Variants in PRKCB observed in about 807,000 individuals in gnomAD.
The protein encoded by PRKCB is protein kinase C beta type.
A neutral mutation model predicts 81.5 loss-of-function variants in PRKCB; 13 were observed. That is an observed-to-expected ratio of 0.16 (90% CI 0.10 to 0.25). The LOEUF (loss-of-function observed/expected upper bound fraction) is 0.25. PRKCB is among the 10% of genes least tolerant of loss of function. The probability of loss-of-function intolerance (pLI) is 1.00; values close to 1 mark genes in which losing one functional copy is unlikely to be tolerated. For synonymous variants in PRKCB, 335 were observed against 321.4 expected (o/e 1.04, Z -0.45); for missense variants, 509 against 875.7 (o/e 0.58, Z 5.29).
At position 24,218,857 on chromosome 16, in the gene PRKCB, G is replaced by T. The variant is rs1178154823; in HGVS notation, c.*4041G>T. 1.0e-6 allele frequency: 1 copy of T among 985,450 alleles called. No homozygotes were observed. 61.0% of individuals were successfully genotyped at this position (985,450 alleles called of 1,614,324 possible). ...TGTCTTGTAATAAAACAGCCATGGG[G>T]TTGTCCCTCCAGTCCGAGAGACTGT... On this transcript the variant is annotated 3_prime_UTR_variant, in exon 17 of 17. Transcript: ENST00000643927.
intron 15 of PRKCB, among the ~76,000 whole-genome samples, chr16:24,186,153 G>A (rs1458572737): frequency 1.3e-5 from 2 of 152,148 alleles, no homozygotes; most frequent in African/African-American, 4.8e-5. Flanking sequence ...GGGCACCTGT[G>A]AAGAAAGCAG....
At chr16:23,975,543 A>C (rs746979398) in intron 2 of PRKCB, among the ~76,000 whole-genome samples, 1 of 152,190 alleles carries the variant, frequency 6.6e-6, no homozygotes, top group Non-Finnish European at 1.5e-5. Flanking sequence ...GTCAAACCTC[A>C]TAGTTCCTGG....
intron 2 of PRKCB, among the ~76,000 whole-genome samples, chr16:23,870,819 A>G (rs918575848): frequency 5.3e-5 from 8 of 152,134 alleles, no homozygotes; most frequent in Non-Finnish European, 8.8e-5. Flanking sequence ...ACTGCACTCT[A>G]GTCTACAGAT....
chr16:24,014,275 G>A (rs545675194), intron 3 of PRKCB, among the ~76,000 whole-genome samples: 1 of 152,306 alleles, frequency 6.6e-6, no homozygotes, highest in Admixed American at 6.5e-5. Flanking sequence ...GGGGGAGAGG[G>A]GTGGGGAGGG....
intron 15 of PRKCB, among the ~76,000 whole-genome samples, chr16:24,190,745 T>C (rs111523199): frequency 0.016 from 2,408 of 152,164 alleles, 30 homozygotes; most frequent in Non-Finnish European, 0.025. Context: ...TCTCAATCTC[T>C]TGACCTTGTG....
chr16:24,210,394 G>A lies in PRKCB; in HGVS notation c.1864-4264G>A, dbSNP rs76188530. On this transcript the variant is annotated intron_variant, in intron 16 of 16. Coordinates refer to ENST00000643927, the MANE Select transcript of PRKCB (RefSeq NM_002738.7). ...CTCTGCCTAGCATGCCTTTCCTCCC[G>A]ACATCCAAAGGGCACCCTCTCTCAC... 8.3e-3 allele frequency among the ~76,000 whole-genome samples: 1,268 copies of A among 151,932 alleles called. 23 individuals are homozygous for A. The highest frequency in any genetic ancestry group is 0.029 in the African/African-American group (1,203 of 41,416).
intron 10 of PRKCB, among the ~76,000 whole-genome samples, chr16:24,171,582 T>C (rs1967442145): frequency 1.3e-5 from 2 of 152,154 alleles, no homozygotes; most frequent in Non-Finnish European, 2.9e-5. Context: ...GGCTGGCTAC[T>C]ACAGCTATCT....
chr16:24,006,952 G>A (rs1965131737), intron 3 of PRKCB, among the ~76,000 whole-genome samples: 1 of 152,212 alleles, frequency 6.6e-6, no homozygotes, highest in African/African-American at 2.4e-5. Flanking sequence ...GGCTTCACCT[G>A]AAGAGATAGA....
chr16:23,975,769 C>A (rs1190831883), intron 2 of PRKCB, among the ~76,000 whole-genome samples: 3 of 152,178 alleles, frequency 2.0e-5, no homozygotes, highest in Non-Finnish European at 4.4e-5. Context: ...CTTATAGGAA[C>A]GTACGAAGCA....
At chr16:24,206,075 C>A (rs1207406295) in intron 16 of PRKCB, among the ~76,000 whole-genome samples, 2 of 152,082 alleles carry the variant, frequency 1.3e-5, no homozygotes, top group African/African-American at 4.8e-5. Flanking sequence ...ACAAAAGACC[C>A]CTCTCCTACT....
chr16:23,992,247 G>A (rs1354614124), intron 3 of PRKCB, among the ~76,000 whole-genome samples: 17 of 152,192 alleles, frequency 1.1e-4, no homozygotes. Flanking sequence ...AGCCAGAAGG[G>A]ACTAGGACAG....
chr16:24,109,628 C>T (rs1966644621), intron 7 of PRKCB, among the ~76,000 whole-genome samples: 2 of 129,100 alleles, frequency 1.5e-5, no homozygotes, highest in Non-Finnish European at 3.1e-5. Context: ...CCAGACTGGG[C>T]AGCCAGGCAG....
intron 9 of PRKCB, among the ~76,000 whole-genome samples, chr16:24,143,601 C>T (rs1966939783): frequency 6.6e-6 from 1 of 152,054 alleles, no homozygotes; most frequent in Non-Finnish European, 1.5e-5. Flanking sequence ...CCCTGGAGGC[C>T]TACAGTATAT....
chr16:24,157,908 C>T (rs760985770), intron 10 of PRKCB, among the ~76,000 whole-genome samples: 4 of 151,850 alleles, frequency 2.6e-5, no homozygotes, highest in East Asian at 1.9e-4. Flanking sequence ...TATAAATTAC[C>T]GAGTCTCAGG....
Position 24,216,030 on chromosome 16 carries a change from A to C in PRKCB, c.*1214A>C. The C allele has an allele frequency of 3.0e-6, 3 of 985,236 alleles. No homozygotes were observed. Among genetic ancestry groups the C allele is most frequent in the Non-Finnish European group, 3.6e-6 (3 of 829,840 alleles). 61.0% of individuals were successfully genotyped at this position (985,236 alleles called of 1,614,324 possible). On this transcript the variant is annotated 3_prime_UTR_variant, in exon 17 of 17. Coordinates refer to ENST00000643927, the MANE Select transcript of PRKCB (RefSeq NM_002738.7). Reference sequence around the variant, plus strand: ...AAGAAGAAGAAATACTATTTCAAGGAAAACTGCTCTTTTTGAGAAACGTGG... The same window carrying C: ...AAGAAGAAGAAATACTATTTCAAGGCAAACTGCTCTTTTTGAGAAACGTGG...
intron 2 of PRKCB, among the ~76,000 whole-genome samples, chr16:23,987,136 A>C (rs1405782908): frequency 1.3e-5 from 2 of 152,150 alleles, no homozygotes; most frequent in East Asian, 3.8e-4. Flanking sequence ...CCACATGTTA[A>C]ATTTAGTTGA....
chr16:24,151,997 C>T lies in PRKCB; in HGVS notation c.1066-2687C>T, dbSNP rs1012743230. The T allele has an allele frequency of 2.3e-5, 10 of 427,072 alleles. 1 individual carries two copies. Among genetic ancestry groups the T allele is most frequent in the Non-Finnish European group, 3.8e-5 (8 of 210,862 alleles). The allele number at this position is 427,072 out of a possible 1,614,324, so 26.5% of individuals were successfully genotyped here. A position where few individuals can be genotyped will look rare whatever the true frequency, so the allele number is the denominator to read the frequency against. ...TCTGCACTGAAGGTGTCTAGGGCCC[C>T]TCCTTCTCTCGTTTTGGTTGGGGGA... On this transcript the variant is annotated intron_variant, in intron 9 of 16. Coordinates refer to ENST00000643927, the MANE Select transcript of PRKCB (RefSeq NM_002738.7).
Position 24,021,746 on chromosome 16 carries a change from T to C in PRKCB, c.289-10390T>C, listed in dbSNP as rs150638947. Among the ~76,000 whole-genome samples, 471 of 152,178 alleles carry C rather than the reference T, an allele frequency of 3.1e-3. 2 individuals are homozygous for C. The highest frequency in any genetic ancestry group is 6.8e-3 in the Middle Eastern group (2 of 294). On this transcript the variant is annotated intron_variant, in intron 3 of 16. Transcript: ENST00000643927. Reference sequence around the variant, plus strand: ...TGCTTTGTGACCTTGGGCAAGTTACTTCTCTGAGCCTCAGTTTTCTCATCT... The same window carrying C: ...TGCTTTGTGACCTTGGGCAAGTTACCTCTCTGAGCCTCAGTTTTCTCATCT...
rs1236710847 is a variant in PRKCB, at chr16:24,165,159, G to A, written c.1240-7111G>A. Among the ~76,000 whole-genome samples the A allele has an allele frequency of 2.6e-5, 4 of 152,268 alleles. No individual in the cohort carries two copies. The East Asian group carries it at 7.7e-4, about 29-fold the overall frequency. On this transcript the variant is annotated intron_variant, in intron 10 of 16. Transcript: ENST00000643927. ...GGGCACAAGCCGTCCTCTCACCTGA[G>A]CCTCCTGAGTAGCTGAGACTACAGG...
Sources: allele counts gnomAD v4.1 joint callset (sites outside exome capture counted in the v4.1 genomes callset), GRCh38; gene constraint gnomAD v4.1.1; transcripts MANE v1.5; gene names NCBI Gene and HGNC (gene_info 2026-07-23, HGNC 2026-07-21).